Variants in REDIC1 observed in about 807,000 individuals in gnomAD.
REDIC1 encodes the protein HEI10 Interacting Protein 1.
chr12:39,853,663 G>C, the REDIC1 span, among the ~76,000 whole-genome samples: 5 of 146,324 alleles, frequency 3.4e-5, no homozygotes, highest in East Asian at 1.0e-3. Flanking sequence ...TAGTCAGACT[G>C]CTACAGCCTG....
chr12:39,787,232 C>A, the REDIC1 span, among the ~76,000 whole-genome samples: 1 of 152,160 alleles, frequency 6.6e-6, no homozygotes, highest in African/African-American at 2.4e-5. Context: ...TACCTTCCAC[C>A]AGTGGCCTCC....
the REDIC1 span, among the ~76,000 whole-genome samples, chr12:39,626,642 G>T: frequency 3.3e-5 from 5 of 152,076 alleles, no homozygotes; most frequent in African/African-American, 1.2e-4. Flanking sequence ...CATGTCCTAT[G>T]CTCTGTTACT....
the REDIC1 span, among the ~76,000 whole-genome samples, chr12:39,811,426 T>A: frequency 6.6e-6 from 1 of 152,116 alleles, no homozygotes; most frequent in African/African-American, 2.4e-5. Context: ...TTCAAAATTT[T>A]CTAATATACT....
At chr12:39,831,911 C>T in the REDIC1 span, among the ~76,000 whole-genome samples, 2 of 152,128 alleles carry the variant, frequency 1.3e-5, no homozygotes, top group African/African-American at 4.8e-5. Flanking sequence ...CCAATTAATC[C>T]TCTTTTCTTT....
the REDIC1 span, among the ~76,000 whole-genome samples, chr12:39,654,219 T>C: frequency 6.6e-6 from 1 of 152,248 alleles, no homozygotes; most frequent in Non-Finnish European, 1.5e-5. Context: ...GATGTTGTTT[T>C]TTTTTCCTTT....
the REDIC1 span, among the ~76,000 whole-genome samples, chr12:39,795,502 T>TA: frequency 6.6e-6 from 1 of 152,230 alleles, no homozygotes; most frequent in South Asian, 2.1e-4. Flanking sequence ...GTCCAGCTGA[T>TA]GACTGGGTGT....
chr12:39,725,827 C>T, the REDIC1 span, among the ~76,000 whole-genome samples: 3 of 151,626 alleles, frequency 2.0e-5, no homozygotes, highest in African/African-American at 7.3e-5. Flanking sequence ...AAAACACAAC[C>T]GTATGAGATA....
chr12:39,839,147 G>A, the REDIC1 span, among the ~76,000 whole-genome samples: 1 of 152,006 alleles, frequency 6.6e-6, no homozygotes, highest in East Asian at 1.9e-4. Flanking sequence ...GCTCTCACCA[G>A]CTTCAGCAGG....
chr12:39,695,982 A>G, the REDIC1 span, among the ~76,000 whole-genome samples: 3 of 152,226 alleles, frequency 2.0e-5, no homozygotes, highest in East Asian at 1.9e-4. Flanking sequence ...ATTTTCCCAG[A>G]TGTTGTCTAA....
At chr12:39,726,084 G>A in the REDIC1 span, among the ~76,000 whole-genome samples, 1 of 151,914 alleles carries the variant, frequency 6.6e-6, no homozygotes, top group East Asian at 1.9e-4. Flanking sequence ...ATTTTTCCCA[G>A]TCTCTATTTT....
the REDIC1 span, among the ~76,000 whole-genome samples, chr12:39,660,542 G>A: frequency 6.6e-6 from 1 of 151,574 alleles, no homozygotes; most frequent in Non-Finnish European, 1.5e-5. Flanking sequence ...ATTTAATATT[G>A]TACATATTAC....
At chr12:39,703,499 G>A in the REDIC1 span, among the ~76,000 whole-genome samples, 13 of 150,976 alleles carry the variant, frequency 8.6e-5, no homozygotes, top group African/African-American at 2.9e-4. Flanking sequence ...CGTGAAAATG[G>A]CCATACTGCC....
chr12:39,799,254 C>CTTTTTTTTTT, the REDIC1 span, among the ~76,000 whole-genome samples: 3 of 113,286 alleles, frequency 2.6e-5, no homozygotes, highest in Non-Finnish European at 3.5e-5. Context: ...TATGCTTAGC[C>CTTTTTTTTTT]TTTTTTTTTT....
chr12:39,871,787 C>A, the REDIC1 span: 1 of 1,580,736 alleles, frequency 6.3e-7, no homozygotes, highest in African/African-American at 1.4e-5. Flanking sequence ...ATTCTTTATC[C>A]AGCCACCTAC....
chr12:39,626,898 C>T, the REDIC1 span, among the ~76,000 whole-genome samples: 2 of 152,188 alleles, frequency 1.3e-5, no homozygotes, highest in Non-Finnish European at 1.5e-5. Flanking sequence ...GCGAATTTGC[C>T]ATTTATTTTG....
At chr12:39,701,466 G>A in the REDIC1 span, among the ~76,000 whole-genome samples, 5 of 152,054 alleles carry the variant, frequency 3.3e-5, no homozygotes, top group Non-Finnish European at 7.4e-5. Flanking sequence ...ACAAAGAGAC[G>A]TAGACTCCCA....
chr12:39,769,406 C>T, the REDIC1 span, among the ~76,000 whole-genome samples: 1 of 152,028 alleles, frequency 6.6e-6, no homozygotes, highest in African/African-American at 2.4e-5. Flanking sequence ...ATCTGAAGAA[C>T]AGATCTTTTA....
chr12:39,808,712 C>A, the REDIC1 span, among the ~76,000 whole-genome samples: 246 of 152,092 alleles, frequency 1.6e-3, no homozygotes, highest in African/African-American at 5.8e-3. Flanking sequence ...TGCTTATTTG[C>A]CATCTTTTTA....
chr12:39,721,930 G>A, the REDIC1 span: 1 of 151,988 alleles, frequency 6.6e-6, no homozygotes, highest in Non-Finnish European at 1.5e-5. Context: ...GTGTTGCTAA[G>A]ATTCTTTTCA....
Sources: gnomAD v4.1 joint callset for allele counts (sites outside exome capture counted in the v4.1 genomes callset) on GRCh38, gnomAD v4.1.1 for gene constraint, MANE v1.5 for transcripts, NCBI Gene and HGNC (gene_info 2026-07-23, HGNC 2026-07-21) for gene names.